PPP1CB: variants seen among roughly 807,000 people sequenced by gnomAD.
The protein encoded by PPP1CB is protein phosphatase 1 catalytic subunit beta.
In PPP1CB, 2 loss-of-function variants were observed where a neutral mutation model predicts 43.7. The observed-to-expected ratio is 0.05, with a 90% CI of 0.02 to 0.14. PPP1CB has a LOEUF of 0.14. Ranked by LOEUF, PPP1CB falls within the 10% of genes least tolerant of loss-of-function variation. The probability of loss-of-function intolerance (pLI) is 1.00; values close to 1 mark genes in which losing one functional copy is unlikely to be tolerated. For missense variants in PPP1CB, 84 were observed against 398.0 expected (o/e 0.21, Z 6.71); for synonymous variants, 136 against 135.6 (o/e 1.00, Z -0.02).
At chr2:28,769,669 A>G (rs1666860127) in intron 1 of PPP1CB, among the ~76,000 whole-genome samples, 1 of 152,206 alleles carries the variant, frequency 6.6e-6, no homozygotes, top group East Asian at 1.9e-4. Flanking sequence ...GTTTAAAATA[A>G]TAGTTGTGGC....
intron 1 of PPP1CB, among the ~76,000 whole-genome samples, chr2:28,765,654 C>A (rs1013799619): frequency 6.6e-6 from 1 of 152,206 alleles, no homozygotes; most frequent in African/African-American, 2.4e-5. Context: ...TGGTGGCTCG[C>A]GCCTTTAATC....
chr2:28,755,663 CA>C (rs1386683478), intron 1 of PPP1CB, among the ~76,000 whole-genome samples: 1 of 152,110 alleles, frequency 6.6e-6, no homozygotes, highest in African/African-American at 2.4e-5. Flanking sequence ...GGGAGTATAG[CA>C]GAATCATCTG....
At chr2:28,762,595 G>T (rs1226915995) in intron 1 of PPP1CB, among the ~76,000 whole-genome samples, 1 of 152,172 alleles carries the variant, frequency 6.6e-6, no homozygotes, top group African/African-American at 2.4e-5. Context: ...CCAAAAATCA[G>T]CAAGTGGTGG....
At chr2:28,756,438 C>T (rs1238335200) in intron 1 of PPP1CB, among the ~76,000 whole-genome samples, 1 of 152,170 alleles carries the variant, frequency 6.6e-6, no homozygotes, top group African/African-American at 2.4e-5. Context: ...TAGTGCGTAT[C>T]TCCCTTTTCT....
Position 28,775,911 on chromosome 2 carries a change from C to G in PPP1CB, c.53-940C>G, listed in dbSNP as rs1667030251. Among the ~76,000 whole-genome samples the G allele has an allele frequency of 5.3e-5, 8 of 152,222 alleles. 1 individual carries two copies. The South Asian group carries it at 1.2e-3, about 24-fold the overall frequency. On this transcript the variant is annotated intron_variant, in intron 1 of 7. Transcript: ENST00000395366. ...CTCAGTAATGCAAAGATGCCTCACT[C>G]CATCTAAATAGCCTTTAGAGGTTTT...
intron 3 of PPP1CB, 95 bp from the exon 4 acceptor site, chr2:28,781,643 A>G (rs1288688295): frequency 1.2e-6 from 1 of 841,156 alleles, no homozygotes; most frequent in Non-Finnish European, 1.9e-6. Context: ...TGAAGAAATG[A>G]AGAAAATTGA....
At chr2:28,795,206 A>G (rs1374097507) in intron 7 of PPP1CB, among the ~76,000 whole-genome samples, 1 of 152,244 alleles carries the variant, frequency 6.6e-6, no homozygotes, top group East Asian at 1.9e-4. Flanking sequence ...ATAGTATTCC[A>G]TGGTGTATAT....
intron 1 of PPP1CB, among the ~76,000 whole-genome samples, chr2:28,767,160 C>T (rs964243873): frequency 1.3e-5 from 2 of 152,164 alleles, no homozygotes; most frequent in South Asian, 4.1e-4. Flanking sequence ...AATTAACCCA[C>T]CATTGATAAA....
intron 1 of PPP1CB, among the ~76,000 whole-genome samples, chr2:28,772,259 CCACTA>C (rs1385935979): frequency 1.3e-5 from 2 of 152,076 alleles, no homozygotes; most frequent in Non-Finnish European, 2.9e-5. Context: ...CATGATCTTG[CCACTA>C]CACTCCAGCC....
intron 1 of PPP1CB, among the ~76,000 whole-genome samples, chr2:28,770,752 C>T (rs528977600): frequency 2.7e-5 from 4 of 150,924 alleles, no homozygotes; most frequent in African/African-American, 9.7e-5. Flanking sequence ...ACATAGAACA[C>T]TTCACTCAAT....
chr2:28,757,190 T>C (rs1375733494), intron 1 of PPP1CB, among the ~76,000 whole-genome samples: 1 of 152,230 alleles, frequency 6.6e-6, no homozygotes, highest in Non-Finnish European at 1.5e-5. Flanking sequence ...CATTCATCTT[T>C]GTTGTAGTAT....
At chr2:28,781,655 ATCAT>A in intron 3 of PPP1CB, 79 bp from the exon 4 acceptor site, 2 of 916,388 alleles carry the variant, frequency 2.2e-6, no homozygotes. Flanking sequence ...GAAAATTGAA[ATCAT>A]TCATAATCCT....
intron 1 of PPP1CB, among the ~76,000 whole-genome samples, chr2:28,753,183 G>A (rs1666375968): frequency 6.7e-6 from 1 of 148,316 alleles, no homozygotes; most frequent in South Asian, 2.2e-4. Context: ...GTGTAGAAAA[G>A]CCTTTAATCC....
In PPP1CB at chr2:28,781,718, T is replaced by A. The variant is rs369468618; in HGVS notation, c.416-20T>A. ...AACAGTTTTAGATTTTTTAATTTATTCTATCTGTTCTTTTTACAGGCAAAC... is the reference window on the plus strand; with the variant it reads ...AACAGTTTTAGATTTTTTAATTTATACTATCTGTTCTTTTTACAGGCAAAC... On this transcript the variant is annotated intron_variant, in intron 3 of 7. Transcript: ENST00000395366. 1.7e-5 allele frequency: 26 copies of A among 1,519,048 alleles called. No homozygotes were observed. The African/African-American group carries it at 3.2e-4, about 19-fold the overall frequency. The allele number at this position is 1,519,048 out of a possible 1,614,324, so 94.1% of individuals were successfully genotyped here. A position where few individuals can be genotyped will look rare whatever the true frequency, so the allele number is the denominator to read the frequency against.
At chr2:28,775,249 A>T (rs1667010451) in intron 1 of PPP1CB, among the ~76,000 whole-genome samples, 1 of 152,134 alleles carries the variant, frequency 6.6e-6, no homozygotes, top group Non-Finnish European at 1.5e-5. Context: ...CTGGGACCAC[A>T]AGCATGCACC....
intron 4 of PPP1CB, among the ~76,000 whole-genome samples, chr2:28,782,295 A>G (rs556785571): frequency 1.3e-5 from 2 of 152,300 alleles, no homozygotes; most frequent in East Asian, 1.9e-4. Flanking sequence ...GCAGATTGGT[A>G]GGTTACTCTG....
intron 1 of PPP1CB, among the ~76,000 whole-genome samples, chr2:28,766,889 G>A (rs971749547): frequency 6.6e-6 from 1 of 152,094 alleles, no homozygotes; most frequent in Middle Eastern, 3.2e-3. Context: ...AGATCATCCT[G>A]GCTAACATGG....
chr2:28,773,834 G>C (rs1041103976), intron 1 of PPP1CB, among the ~76,000 whole-genome samples: 2 of 152,140 alleles, frequency 1.3e-5, no homozygotes, highest in Non-Finnish European at 2.9e-5. Context: ...AAAACCTTTA[G>C]CTTCTCTAAC....
chr2:28,794,460 G>T (rs943249746), intron 7 of PPP1CB, among the ~76,000 whole-genome samples: 4 of 152,204 alleles, frequency 2.6e-5, no homozygotes, highest in African/African-American at 7.2e-5. Context: ...GGAGGCTGAG[G>T]TGGGCGGATC....
Sources: allele counts gnomAD v4.1 joint callset (sites outside exome capture counted in the v4.1 genomes callset), GRCh38; gene constraint gnomAD v4.1.1; transcripts MANE v1.5; gene names NCBI Gene and HGNC (gene_info 2026-07-23, HGNC 2026-07-21).